MARCHF1: variants seen among roughly 807,000 people sequenced by gnomAD.
The protein encoded by MARCHF1 is E3 ubiquitin-protein ligase MARCHF1.
Under a neutral mutation model 54.2 loss-of-function variants are expected in MARCHF1, and 40 were observed. The ratio of observed to expected loss-of-function variants is 0.74; its 90% confidence interval spans 0.57 to 0.96. The LOEUF is 0.96. Ranked by LOEUF, MARCHF1 falls within the 40% of genes least tolerant of loss-of-function variation. The probability of loss-of-function intolerance (pLI) is 0.00; values close to 1 mark genes in which losing one functional copy is unlikely to be tolerated. For missense variants in MARCHF1, 586 were observed against 656.5 expected, an observed-to-expected ratio of 0.89 and a Z score of 1.17; for synonymous variants, 236 against 236.3, an observed-to-expected ratio of 1.00 and a Z score of 0.01.
At chr4:163,995,370 C>T (rs1203131216) in intron 2 of MARCHF1, among the ~76,000 whole-genome samples, 1 of 152,080 alleles carries the variant, frequency 6.6e-6, no homozygotes, top group East Asian at 1.9e-4. Context: ...TCTCTGTATC[C>T]AGTCCTTCTG....
chr4:164,034,108 T>TAGATAGATAGACAGAC, intron 2 of MARCHF1, among the ~76,000 whole-genome samples: 1 of 139,040 alleles, frequency 7.2e-6, no homozygotes, highest in East Asian at 2.2e-4. Context: ...GATAGATAGA[T>TAGATAGATAGACAGAC]AGATAGATAG....
At chr4:164,289,756 T>A (rs1278986615) in intron 1 of MARCHF1, among the ~76,000 whole-genome samples, 2 of 149,976 alleles carry the variant, frequency 1.3e-5, no homozygotes, top group East Asian at 3.9e-4. Flanking sequence ...TCAATGACTT[T>A]TAAAAAATCT....
At chr4:163,761,367 T>G (rs1040844593) in intron 4 of MARCHF1, among the ~76,000 whole-genome samples, 1 of 152,172 alleles carries the variant, frequency 6.6e-6, no homozygotes, top group African/African-American at 2.4e-5. Flanking sequence ...GAGCTCCCAA[T>G]CATGAGTTTG....
chr4:163,601,920 A>C (rs1046748218), intron 7 of MARCHF1, among the ~76,000 whole-genome samples: 7 of 152,034 alleles, frequency 4.6e-5, no homozygotes, highest in Non-Finnish European at 1.0e-4. Context: ...CATGTAAGAT[A>C]ATTTGCCAGT....
chr4:163,820,525 A>C (rs1748663706), intron 4 of MARCHF1, among the ~76,000 whole-genome samples: 1 of 152,050 alleles, frequency 6.6e-6, no homozygotes, highest in African/African-American at 2.4e-5. Flanking sequence ...ACAATTCTTC[A>C]AGTTGCAAAT....
chr4:163,905,488 T>C (rs1364871478), intron 3 of MARCHF1, among the ~76,000 whole-genome samples: 2 of 152,084 alleles, frequency 1.3e-5, no homozygotes, highest in Admixed American at 1.3e-4. Flanking sequence ...ACTTTGCATA[T>C]ATTTTCAAGG....
chr4:164,008,683 C>T (rs1366311517), intron 2 of MARCHF1, among the ~76,000 whole-genome samples: 1 of 151,978 alleles, frequency 6.6e-6, no homozygotes, highest in African/African-American at 2.4e-5. Flanking sequence ...ATAAGAGGAA[C>T]TCAGGCAATA....
chr4:163,969,368 A>G (rs1752504216), intron 3 of MARCHF1, among the ~76,000 whole-genome samples: 3 of 152,200 alleles, frequency 2.0e-5, no homozygotes, highest in Admixed American at 1.3e-4. Context: ...TGGAATGAGA[A>G]TGCTTTAAAA....
At chr4:164,327,902 GA>G (rs1201345563) in intron 1 of MARCHF1, among the ~76,000 whole-genome samples, 2 of 152,220 alleles carry the variant, frequency 1.3e-5, no homozygotes, top group Non-Finnish European at 2.9e-5. Context: ...AGTCCAGCAT[GA>G]GGTATGTCAT....
At chr4:164,098,477 T>C (rs1438138330) in intron 2 of MARCHF1, among the ~76,000 whole-genome samples, 1 of 152,180 alleles carries the variant, frequency 6.6e-6, no homozygotes. Context: ...AGGAGACAGT[T>C]TAATTCTACT....
intron 5 of MARCHF1, among the ~76,000 whole-genome samples, chr4:163,632,674 G>T (rs1334699396): frequency 6.6e-6 from 1 of 152,222 alleles, no homozygotes; most frequent in East Asian, 1.9e-4. Flanking sequence ...TGGGGGAGGG[G>T]CGCCCACCAT....
intron 1 of MARCHF1, among the ~76,000 whole-genome samples, chr4:164,303,925 C>G (rs758952646): frequency 3.3e-5 from 5 of 152,270 alleles, no homozygotes; most frequent in South Asian, 2.1e-4. Flanking sequence ...ATCGACACTC[C>G]GAGTGATGAA....
intron 1 of MARCHF1, among the ~76,000 whole-genome samples, chr4:164,267,360 T>A (rs1221246410): frequency 6.6e-6 from 1 of 152,190 alleles, no homozygotes; most frequent in South Asian, 2.1e-4. Flanking sequence ...CTTCTGAGAT[T>A]AGATTATAAG....
At chr4:163,613,064 G>A (rs1291819226) in intron 6 of MARCHF1, 26 bp from the exon 7 acceptor site, 6 of 1,450,324 alleles carry the variant, frequency 4.1e-6, no homozygotes, top group Non-Finnish European at 5.4e-6. Flanking sequence ...GGCAAAGGAT[G>A]GGAAATGGGA....
At chr4:163,782,662 C>T (rs1041785132) in intron 4 of MARCHF1, among the ~76,000 whole-genome samples, 1 of 107,574 alleles carries the variant, frequency 9.3e-6, no homozygotes, top group Non-Finnish European at 2.0e-5. Context: ...GAGTGAGACT[C>T]CATCTCCAAA....
chr4:164,335,307 G>A (rs920522183), intron 1 of MARCHF1, among the ~76,000 whole-genome samples: 3 of 152,186 alleles, frequency 2.0e-5, no homozygotes, highest in Non-Finnish European at 4.4e-5. Context: ...ATTTGCCTCA[G>A]CCCGGTGGCT....
At chr4:164,041,647 G>C (rs1390027944) in intron 2 of MARCHF1, among the ~76,000 whole-genome samples, 1 of 152,076 alleles carries the variant, frequency 6.6e-6, no homozygotes, top group East Asian at 1.9e-4. Context: ...TTAATGTGTG[G>C]TTCTAGCACC....
chr4:164,000,901 C>A (rs980464560), intron 2 of MARCHF1, among the ~76,000 whole-genome samples: 3 of 151,448 alleles, frequency 2.0e-5, no homozygotes, highest in African/African-American at 4.8e-5. Flanking sequence ...AAAACATAGA[C>A]CTCTGTTTAG....
chr4:164,191,401 T>G (rs1338617249), intron 1 of MARCHF1, among the ~76,000 whole-genome samples: 1 of 152,236 alleles, frequency 6.6e-6, no homozygotes, highest in Admixed American at 6.5e-5. Context: ...ATTTAGTGTG[T>G]CATCACGCAT....
Sources: allele counts gnomAD v4.1 joint callset (sites outside exome capture counted in the v4.1 genomes callset), GRCh38; gene constraint gnomAD v4.1.1; transcripts MANE v1.5; gene names NCBI Gene and HGNC (gene_info 2026-07-23, HGNC 2026-07-21).